USP40: variants seen among roughly 807,000 people sequenced by gnomAD.
USP40 encodes ubiquitin carboxyl-terminal hydrolase 40.
Under a neutral mutation model 166.2 loss-of-function variants are expected in USP40, and 143 were observed. That is an observed-to-expected ratio of 0.86 (90% confidence interval 0.75 to 0.99). The LOEUF is 0.99. Among genes scored for constraint, USP40 ranks in the 50% least tolerant of loss-of-function variants. The pLI is 0.00. For missense variants in USP40, 1,444 were observed against 1,479.7 expected, an observed-to-expected ratio of 0.98 and a Z score of 0.40; for synonymous variants, 498 against 524.0, an observed-to-expected ratio of 0.95 and a Z score of 0.68.
intron 24 of USP40, among the ~76,000 whole-genome samples, chr2:233,495,376 G>C (rs1192161288): frequency 6.6e-6 from 1 of 151,016 alleles, no homozygotes; most frequent in African/African-American, 2.4e-5. Context: ...ATTAAGTGTT[G>C]TAACAGTAAC....
At chr2:233,518,090 G>GTGATA (rs1374206986) in intron 18 of USP40, among the ~76,000 whole-genome samples, 1 of 151,572 alleles carries the variant, frequency 6.6e-6, no homozygotes, top group Non-Finnish European at 1.5e-5. Context: ...TACTGCTCGT[G>GTGATA]TGATAGGTGC....
intron 11 of USP40, among the ~76,000 whole-genome samples, chr2:233,531,959 A>G (rs1010916843): frequency 6.6e-6 from 1 of 152,170 alleles, no homozygotes; most frequent in African/African-American, 2.4e-5. Flanking sequence ...ACTTCCTAGA[A>G]CTAAATTGAA....
Position 233,520,910 on chromosome 2 carries a change from G to A in USP40, c.2325+81C>T, listed in dbSNP as rs541987017. The A allele has an allele frequency of 1.4e-5, 21 of 1,469,900 alleles. No individual in the cohort carries two copies. The South Asian group carries it at 2.4e-4, about 17-fold the overall frequency. The allele number at this position is 1,469,900 out of a possible 1,614,324, so 91.1% of individuals were successfully genotyped here. On this transcript the variant is annotated intron_variant, in intron 17 of 31. Coordinates refer to ENST00000678225, the MANE Select transcript of USP40 (RefSeq NM_001365479.2). ...TGAAGTCTATTGAGACAACTGTTCTGAAAGATTAAGGTATTGTTTTCTAAA... is the reference window on the plus strand; with the variant it reads ...TGAAGTCTATTGAGACAACTGTTCTAAAAGATTAAGGTATTGTTTTCTAAA...
intron 31 of USP40, 113 bp from the exon 32 acceptor site, chr2:233,477,616 T>C (rs2064255869): frequency 1.1e-6 from 1 of 896,858 alleles, no homozygotes; most frequent in East Asian, 2.7e-5. Flanking sequence ...GGACGTGCAT[T>C]TGCAATTGCA....
At position 233,559,062 on chromosome 2, in the gene USP40, G is replaced by A. The variant is rs79994094; in HGVS notation, c.381+749C>T. Among the ~76,000 whole-genome samples the A allele has an allele frequency of 6.3e-3, 964 of 152,254 alleles. 22 individuals are homozygous for A. The East Asian group carries it at 0.084, about 13-fold the overall frequency. On this transcript the variant is annotated intron_variant, in intron 4 of 31. Coordinates refer to ENST00000678225, the MANE Select transcript of USP40 (RefSeq NM_001365479.2). ...ACAGTTGCCTATACCTGTCTTTGCA[G>A]GATTACATCCATCTATTCCATATAA...
At chr2:233,522,914 T>G (rs1235934980) in intron 16 of USP40, among the ~76,000 whole-genome samples, 1 of 152,252 alleles carries the variant, frequency 6.6e-6, no homozygotes, top group Non-Finnish European at 1.5e-5. Flanking sequence ...TAATTGATAC[T>G]CTATACAGTC....
At chr2:233,502,624 C>A (rs1449044549) in intron 21 of USP40, among the ~76,000 whole-genome samples, 2 of 152,106 alleles carry the variant, frequency 1.3e-5, no homozygotes, top group Non-Finnish European at 2.9e-5. Context: ...ATCCCCCTCC[C>A]CAGAGAGACC....
rs1308587275 is a variant in USP40 at position 233,491,156 on chromosome 2, A to C, written c.3012+11T>G. The C allele has an allele frequency of 6.3e-7, 1 of 1,580,914 alleles. No homozygotes were observed. The highest frequency in any genetic ancestry group is 8.7e-7 in the Non-Finnish European group (1 of 1,155,774). On this transcript the variant is annotated intron_variant, in intron 26 of 31. Coordinates refer to ENST00000678225, the MANE Select transcript of USP40 (RefSeq NM_001365479.2). ...ATTACCACTAAGTTATGGTGCAGGA[A>C]GAAGTCTGACCTGAGACTTCAGCTC...
Position 233,512,585 on chromosome 2 carries a change from C to A in USP40, c.2421G>T (p.Gly807=). 1 of 1,584,210 alleles carries A rather than the reference C, an allele frequency of 6.3e-7. No homozygotes were observed. The highest frequency in any genetic ancestry group is 8.6e-7 in the Non-Finnish European group (1 of 1,166,506). The change falls in exon 19 of 32, where the codon GGG becomes GGT. Residue 807 remains glycine, a synonymous_variant. Transcript: ENST00000678225. ...AAGATTTACCTGGACAAAGAAGCTT[C>A]CCATTTCTATCAATAGGTCTCAAAC... ...NSCLRPIDRN[G]KLLCPVPDSY... is the part of the protein sequence containing the mutation.
chr2:233,493,289 T>A lies in USP40; in HGVS notation c.2917+136A>T, dbSNP rs1256777920. 1 of 1,241,050 alleles carries A rather than the reference T, an allele frequency of 8.1e-7. No individual in the cohort carries two copies. Among genetic ancestry groups the A allele is most frequent in the African/African-American group, 1.5e-5 (1 of 66,804 alleles). The allele number at this position is 1,241,050 out of a possible 1,614,324, so 76.9% of individuals were successfully genotyped here. A position where few individuals can be genotyped will look rare whatever the true frequency, so the allele number is the denominator to read the frequency against. Reference sequence around the variant, plus strand: ...ATTATTATGTGATGTCTGGAATGACTTATGAAATTAATAGGTCTTGATTTT... The same window carrying A: ...ATTATTATGTGATGTCTGGAATGACATATGAAATTAATAGGTCTTGATTTT... On this transcript the variant is annotated intron_variant, in intron 25 of 31. Transcript: ENST00000678225. This position sits in a 1 kb window ranked among gnomAD's most constrained non-coding sequence, Gnocchi z 4.7.
Position 233,486,733 on chromosome 2 carries a change from A to G in USP40, c.3198-756T>C, listed in dbSNP as rs1314512892. On this transcript the variant is annotated intron_variant, in intron 28 of 31. Transcript: ENST00000678225. The surrounding 1 kb of genome is among the most constrained non-coding windows in gnomAD (Gnocchi z 4.0). ...GAGAAATGAAATGACTGGAAGAAAG[A>G]GAGTTCACGGGAAGATGTGGGCCCA... Among the ~76,000 whole-genome samples the G allele has an allele frequency of 2.0e-5, 3 of 152,212 alleles. No individual in the cohort carries two copies. The highest frequency in any genetic ancestry group is 6.5e-5 in the Admixed American group (1 of 15,284).
At chr2:233,502,778 G>A (rs2066166285) in intron 21 of USP40, among the ~76,000 whole-genome samples, 1 of 151,990 alleles carries the variant, frequency 6.6e-6, no homozygotes, top group African/African-American at 2.4e-5. Context: ...GATTACAGCT[G>A]AAGAACTGGC....
At chr2:233,533,923 A>G in intron 10 of USP40, 144 bp from the exon 11 acceptor site, 1 of 835,256 alleles carries the variant, frequency 1.2e-6, no homozygotes, top group Non-Finnish European at 1.8e-6. Flanking sequence ...GGGAAAATCC[A>G]TCTAGGTATC....
At chr2:233,504,917 T>G (rs2066317801) in intron 21 of USP40, among the ~76,000 whole-genome samples, 1 of 152,060 alleles carries the variant, frequency 6.6e-6, no homozygotes. Flanking sequence ...TCTTGTCAAC[T>G]GCACAGAGAA....
At chr2:233,516,771 C>T (rs1381615352) in intron 18 of USP40, among the ~76,000 whole-genome samples, 2 of 150,458 alleles carry the variant, frequency 1.3e-5, no homozygotes, top group African/African-American at 2.4e-5. Context: ...GCAAGAGAAT[C>T]GCTTGAACCC....
chr2:233,514,085 T>TA (rs1293959483), intron 18 of USP40, among the ~76,000 whole-genome samples: 2 of 152,238 alleles, frequency 1.3e-5, no homozygotes, highest in Non-Finnish European at 2.9e-5. Flanking sequence ...ACTGTCTCTT[T>TA]AAAATCTGTT....
At chr2:233,498,800 T>C (rs1391757521) in intron 22 of USP40, among the ~76,000 whole-genome samples, 188 bp from the exon 23 acceptor site, 1 of 152,348 alleles carries the variant, frequency 6.6e-6, no homozygotes, top group East Asian at 1.9e-4. Flanking sequence ...TGAGGTCTCA[T>C]CAAGCTCACT....
At chr2:233,502,763 A>G (rs986919042) in intron 21 of USP40, among the ~76,000 whole-genome samples, 1 of 152,158 alleles carries the variant, frequency 6.6e-6, no homozygotes, top group African/African-American at 2.4e-5. Flanking sequence ...CACATCATTA[A>G]TGAGGATTAC....
rs769935997 is a variant in USP40, at chr2:233,512,528, C to T, written c.2437+41G>A. 5.4e-5 allele frequency: 78 copies of T among 1,439,166 alleles called. 1 individual carries two copies. Among genetic ancestry groups the T allele is most frequent in the South Asian group, 2.1e-4 (15 of 71,852 alleles). 89.1% of individuals were successfully genotyped at this position (1,439,166 alleles called of 1,614,324 possible). ...GCCACTATTTATCAAGAAAGACAGA[C>T]GAGTATAAGCCACCTTTTGAAAGTT... On this transcript the variant is annotated intron_variant, in intron 19 of 31. Coordinates refer to ENST00000678225, the MANE Select transcript of USP40 (RefSeq NM_001365479.2).
Sources: gnomAD v4.1 joint callset for allele counts (sites outside exome capture counted in the v4.1 genomes callset) on GRCh38, gnomAD v4.1.1 for gene constraint, Gnocchi (gnomAD v3.1) non-coding constraint, MANE v1.5 for transcripts, NCBI Gene and HGNC (gene_info 2026-07-23, HGNC 2026-07-21) for gene names.